Variants in ACACA observed in about 807,000 individuals in gnomAD.
ACACA encodes acetyl-CoA carboxylase 1.
A neutral mutation model predicts 296.1 loss-of-function variants in ACACA; 103 were observed. The ratio of observed to expected loss-of-function variants is 0.35; its 90% confidence interval spans 0.30 to 0.41. The LOEUF (loss-of-function observed/expected upper bound fraction) is 0.41, where lower values mean the gene tolerates loss of function less well. Ranked by LOEUF, ACACA falls within the 10% of genes least tolerant of loss-of-function variation. The probability of loss-of-function intolerance (pLI) is 1.00; values close to 1 mark genes in which losing one functional copy is unlikely to be tolerated. For synonymous variants in ACACA, 953 were observed against 1,038.6 expected (o/e 0.92, Z 1.58); for missense variants, 1,554 against 2,989.7 (o/e 0.52, Z 11.20).
chr17:37,315,778 T>C (rs1358371974), intron 3 of ACACA, among the ~76,000 whole-genome samples: 1 of 152,170 alleles, frequency 6.6e-6, no homozygotes, highest in African/African-American at 2.4e-5. Context: ...AGAACCTCTA[T>C]GTGTTGACCA....
At chr17:37,261,122 T>C (rs2081496352) in intron 11 of ACACA, among the ~76,000 whole-genome samples, 1 of 152,198 alleles carries the variant, frequency 6.6e-6, no homozygotes. Context: ...TAACTTGGGA[T>C]ACTGACCACA....
chr17:37,291,149 C>CACACACAT (rs1328889882), intron 3 of ACACA, among the ~76,000 whole-genome samples: 10 of 98,134 alleles, frequency 1.0e-4, no homozygotes, highest in Admixed American at 8.5e-4. Flanking sequence ...CACATACACA[C>CACACACAT]ACACACACAC....
chr17:37,273,849 C>T (rs531646056), intron 9 of ACACA, among the ~76,000 whole-genome samples: 213 of 152,286 alleles, frequency 1.4e-3, no homozygotes, highest in African/African-American at 5.0e-3. Context: ...TTGTTGTCCC[C>T]GCCCTCACAC....
At chr17:37,295,248 C>A (rs1263751309) in intron 3 of ACACA, among the ~76,000 whole-genome samples, 1 of 152,130 alleles carries the variant, frequency 6.6e-6, no homozygotes, top group East Asian at 1.9e-4. Context: ...TGTTTAGGTG[C>A]TGCCCACCAA....
chr17:37,332,053 C>T (rs2047908678), intron 2 of ACACA, among the ~76,000 whole-genome samples: 1 of 151,666 alleles, frequency 6.6e-6, no homozygotes, highest in Admixed American at 6.6e-5. Flanking sequence ...CTATAATCAC[C>T]TCAAGTAAGT....
At chr17:37,268,733 C>CTATATATATA (rs1402309165) in intron 10 of ACACA, among the ~76,000 whole-genome samples, 17 of 70,808 alleles carry the variant, frequency 2.4e-4, no homozygotes, top group African/African-American at 9.9e-4. Flanking sequence ...ATCTATCTAT[C>CTATATATATA]TATCTATCTA....
intron 24 of ACACA, among the ~76,000 whole-genome samples, chr17:37,239,764 C>A (rs752781668): frequency 2.0e-5 from 3 of 152,040 alleles, no homozygotes; most frequent in African/African-American, 7.3e-5. Context: ...TTATTGGATG[C>A]GGTTTGCTGA....
chr17:37,330,185 G>T lies in ACACA; in HGVS notation c.326C>A (p.Ala109Asp). 1 of 1,614,094 alleles carries T rather than the reference G, an allele frequency of 6.2e-7. No homozygotes were observed. Among genetic ancestry groups the T allele is most frequent in the South Asian group, 1.1e-5 (1 of 91,072 alleles). ...LGISSLQDGLALHIRSSMSGL... is the reference protein window; with the variant it reads ...LGISSLQDGLDLHIRSSMSGL... ...AACTCTCTCTTACCTTATGTGCAAG[G>T]CCAAGCCATCCTGTAGGCTAGAGAT... The change falls in exon 3 of 56, where the codon GCC (alanine) becomes GAC (aspartate). Residue 109 changes from alanine (A) to aspartate (D), a missense_variant. Ala to Asp is a moderately radical substitution (Grantham distance 126). Transcript: ENST00000616317.
At chr17:37,179,458 C>G in intron 40 of ACACA, 52 bp from the exon 41 acceptor site, 1 of 1,589,802 alleles carries the variant, frequency 6.3e-7, no homozygotes, top group Non-Finnish European at 8.6e-7. Context: ...TCAATATAGA[C>G]AAAAATAATT....
At position 37,347,197 on chromosome 17, in the gene ACACA, G is replaced by T. The variant is rs150781912; in HGVS notation, c.39-7347C>A. Among the ~76,000 whole-genome samples, 85 of 152,244 alleles carry T rather than the reference G, an allele frequency of 5.6e-4. 1 individual carries two copies. Among genetic ancestry groups the T allele is most frequent in the African/African-American group, 1.9e-3 (81 of 41,542 alleles). On this transcript the variant is annotated intron_variant, in intron 1 of 55. Coordinates refer to ENST00000616317, the MANE Select transcript of ACACA (RefSeq NM_198834.3). ...AGTTCTGATGGTTTTAAAAACAGGA[G>T]TTTCCCTGCACAAGCTCTCTCTCTG...
At chr17:37,381,116 C>T (rs1227154626) in intron 1 of ACACA, among the ~76,000 whole-genome samples, 3 of 151,954 alleles carry the variant, frequency 2.0e-5, no homozygotes, top group Non-Finnish European at 2.9e-5. Flanking sequence ...TGGTAACATA[C>T]CATATACACT....
intron 47 of ACACA, among the ~76,000 whole-genome samples, chr17:37,127,402 G>C (rs1432884900): frequency 2.0e-5 from 3 of 152,134 alleles, no homozygotes; most frequent in African/African-American, 7.2e-5. Context: ...TATTGTAGTT[G>C]TGCTTCACAG....
rs566253716 is a variant in ACACA, at chr17:37,133,138, G to A, written c.5680-2920C>T. Among the ~76,000 whole-genome samples, 17 of 152,276 alleles carry A rather than the reference G, an allele frequency of 1.1e-4. No individual in the cohort carries two copies. The South Asian group carries it at 3.1e-3, about 28-fold the overall frequency. On this transcript the variant is annotated intron_variant, in intron 45 of 55. Transcript: ENST00000616317. ...AGAAAAATTACAGAATAGACTAAGAGTATCCCAATATCACTCTCTGACCAG... is the reference window on the plus strand; with the variant it reads ...AGAAAAATTACAGAATAGACTAAGAATATCCCAATATCACTCTCTGACCAG...
intron 25 of ACACA, among the ~76,000 whole-genome samples, chr17:37,230,966 A>G (rs1447927084): frequency 6.6e-6 from 1 of 152,268 alleles, no homozygotes; most frequent in Non-Finnish European, 1.5e-5. Flanking sequence ...ATTATTATTC[A>G]GCCATACTGG....
rs555455642 is a variant in ACACA at position 37,087,199 on chromosome 17, G to A, written c.*117C>T. On this transcript the variant is annotated 3_prime_UTR_variant, in exon 56 of 56. Transcript: ENST00000616317. ...AACCTGAAACGAGAGGAAGTAAAAT[G>A]CCATTTGACTCCAGTGCTGGGTCTC... 4 of 1,414,852 alleles carry A rather than the reference G, an allele frequency of 2.8e-6. No individual in the cohort carries two copies. In the African/African-American group the frequency reaches 4.2e-5, roughly 15 times the overall value. 87.6% of individuals were successfully genotyped at this position (1,414,852 alleles called of 1,614,324 possible).
At chr17:37,373,677 CT>C (rs2049889928) in intron 1 of ACACA, among the ~76,000 whole-genome samples, 1 of 152,160 alleles carries the variant, frequency 6.6e-6, no homozygotes, top group African/African-American at 2.4e-5. Flanking sequence ...CTTTTGCCAC[CT>C]TGTGACACTG....
Position 37,307,156 on chromosome 17 carries a change from C to T in ACACA, c.339-22186G>A, listed in dbSNP as rs182806215. 2.0e-3 allele frequency among the ~76,000 whole-genome samples: 299 copies of T among 152,288 alleles called. 1 individual carries two copies. Among genetic ancestry groups the T allele is most frequent in the Non-Finnish European group, 3.3e-3 (226 of 68,018 alleles). ...ATTTACTTACCTATTCTACTATTCA[C>T]GGACATTTGGGTTGTTTATGAATTT... is the stretch of plus-strand genomic sequence containing the variant. On this transcript the variant is annotated intron_variant, in intron 3 of 55. Transcript: ENST00000616317.
chr17:37,094,248 A>G (rs1392190851), intron 54 of ACACA, among the ~76,000 whole-genome samples: 1 of 152,212 alleles, frequency 6.6e-6, no homozygotes, highest in African/African-American at 2.4e-5. Flanking sequence ...GGATTCAAAC[A>G]GACTCCCATA....
intron 18 of ACACA, chr17:37,247,790 TATTTTTCATTGTCCAC>T: frequency 1.7e-6 from 1 of 602,636 alleles, no homozygotes; most frequent in Non-Finnish European, 2.9e-6. Context: ...AAGGGGAACT[TATTTTTCATTGTCCAC>T]ATACACTGGA....
Sources: gnomAD v4.1 joint callset for allele counts (sites outside exome capture counted in the v4.1 genomes callset) on GRCh38, gnomAD v4.1.1 for gene constraint, MANE v1.5 for transcripts, NCBI Gene and HGNC (gene_info 2026-07-23, HGNC 2026-07-21) for gene names.